The following PPP2R2D variants were observed in gnomAD, a reference collection of about 807,000 sequenced individuals.
The protein encoded by PPP2R2D is serine/threonine-protein phosphatase 2A 55 kDa regulatory subunit B delta isoform.
Under a neutral mutation model 31.1 loss-of-function variants are expected in PPP2R2D, and 9 were observed. That is an observed-to-expected ratio of 0.29 (90% CI 0.17 to 0.51). PPP2R2D has a LOEUF of 0.51. PPP2R2D is among the 20% of genes least tolerant of loss of function. The pLI is 0.98. For synonymous variants in PPP2R2D, 179 were observed against 172.6 expected, an observed-to-expected ratio of 1.04 and a Z score of -0.29; for missense variants, 391 against 465.6, an observed-to-expected ratio of 0.84 and a Z score of 1.48.
rs1032086825 is a variant in PPP2R2D, at chr10:131,945,127, C to T, written c.656-168C>T. Among the ~76,000 whole-genome samples the T allele has an allele frequency of 3.3e-5, 5 of 152,206 alleles. No individual in the cohort carries two copies. The highest frequency in any genetic ancestry group is 5.9e-5 in the Non-Finnish European group (4 of 68,046). On this transcript the variant is annotated intron_variant, in intron 6 of 8. Transcript: ENST00000455566. The surrounding 1 kb of genome is among the most constrained non-coding windows in gnomAD (Gnocchi z 4.8). ...AGTCTGAGTGTGCTCATCCCAATCC[C>T]CTTACCAGGCGCTCCTTTGGAATTC... is the stretch of plus-strand genomic sequence containing the variant.
At position 131,951,395 on chromosome 10, in the gene PPP2R2D, T is replaced by A. The variant is rs560036110; in HGVS notation, c.1082+3604T>A. 7.2e-5 allele frequency among the ~76,000 whole-genome samples: 11 copies of A among 152,320 alleles called. No individual in the cohort carries two copies. The South Asian group carries it at 2.1e-3, about 29-fold the overall frequency. On this transcript the variant is annotated intron_variant, in intron 8 of 8. Coordinates refer to ENST00000455566, the MANE Select transcript of PPP2R2D (RefSeq NM_018461.5). ...AACATATACTGAAAAGCAGTGAGAA[T>A]CAATTATTAGAACTACATGGATCAC... is the stretch of plus-strand genomic sequence containing the variant.
chr10:131,962,022 C>G (rs1295084367), downstream of PPP2R2D, among the ~76,000 whole-genome samples: 3 of 152,232 alleles, frequency 2.0e-5, no homozygotes, highest in Admixed American at 1.3e-4. Context: ...GGGGGCGGCA[C>G]TGCCCTCCGG....
rs1385852706 is a variant in PPP2R2D, at chr10:131,945,033, T to C, written c.656-262T>C. On this transcript the variant is annotated intron_variant, in intron 6 of 8. Coordinates refer to ENST00000455566, the MANE Select transcript of PPP2R2D (RefSeq NM_018461.5). The surrounding 1 kb of genome is among the most constrained non-coding windows in gnomAD (Gnocchi z 4.8). ...CTATTAAGGGCTTTCTGTATAACATTAATAATAGCAGCAAGATGAAAGCGG... is the reference window on the plus strand; with the variant it reads ...CTATTAAGGGCTTTCTGTATAACATCAATAATAGCAGCAAGATGAAAGCGG... Among the ~76,000 whole-genome samples, 9 of 152,182 alleles carry C rather than the reference T, an allele frequency of 5.9e-5. No homozygotes were observed. The highest frequency in any genetic ancestry group is 5.2e-4 in the Admixed American group (8 of 15,284).
chr10:131,917,128 C>T (rs1299632229), intron 2 of PPP2R2D, among the ~76,000 whole-genome samples: 1 of 117,506 alleles, frequency 8.5e-6, no homozygotes, highest in South Asian at 2.9e-4. Context: ...AGGGACCTCA[C>T]GTGGGTGGAA....
Position 131,959,316 on chromosome 10 carries a change from A to G in PPP2R2D, c.*3353A>G, listed in dbSNP as rs60664382. 1,139 of 115,658 alleles carry G rather than the reference A, an allele frequency of 9.8e-3. 14 individuals are homozygous for G. Among genetic ancestry groups the G allele is most frequent in the Middle Eastern group, 0.019 (3 of 158 alleles). 7.2% of individuals were successfully genotyped at this position (115,658 alleles called of 1,614,324 possible). A position where few individuals can be genotyped will look rare whatever the true frequency, so the allele number is the denominator to read the frequency against. The stretch of plus-strand genomic sequence containing the variant: ...AGATGAAGGCGTGTGCTGATCCGCC[A>G]TCCCCCTGTGGAGATGAAGGCGTGT... On this transcript the variant is annotated 3_prime_UTR_variant, in exon 9 of 9. Transcript: ENST00000455566.
intron 8 of PPP2R2D, among the ~76,000 whole-genome samples, chr10:131,950,511 C>G (rs1289644444): frequency 6.6e-6 from 1 of 151,756 alleles, no homozygotes; most frequent in African/African-American, 2.4e-5. Flanking sequence ...GCAAGTGTGA[C>G]TCCTTACTCT....
chr10:131,944,482 A>C (rs2036499732), intron 6 of PPP2R2D, among the ~76,000 whole-genome samples: 1 of 152,198 alleles, frequency 6.6e-6, no homozygotes, highest in Non-Finnish European at 1.5e-5. Context: ...AATAATAGAA[A>C]ATACTGGCTT....
At chr10:131,933,518 G>A (rs1337712152) in intron 2 of PPP2R2D, among the ~76,000 whole-genome samples, 1 of 152,112 alleles carries the variant, frequency 6.6e-6, no homozygotes, top group African/African-American at 2.4e-5. Context: ...GCAGGGTAAG[G>A]CGAGGAGTCC....
At chr10:131,924,919 T>C (rs1554894710) in intron 2 of PPP2R2D, among the ~76,000 whole-genome samples, 1 of 152,224 alleles carries the variant, frequency 6.6e-6, no homozygotes, top group Non-Finnish European at 1.5e-5. Flanking sequence ...TTTGATGATA[T>C]TGTAAACAGA....
At chr10:131,966,655 A>C in the PPP2R2D span, 4 of 152,094 alleles carry the variant, frequency 2.6e-5, no homozygotes, top group Admixed American at 2.6e-4. Flanking sequence ...GGCTCAAGGG[A>C]TCCTCCTGCC....
Position 131,945,540 on chromosome 10 carries a change from A to C in PPP2R2D, c.820+81A>C. On this transcript the variant is annotated intron_variant, in intron 7 of 8. Transcript: ENST00000455566. The surrounding 1 kb of genome is among the most constrained non-coding windows in gnomAD (Gnocchi z 4.8). ...AGTGACACAGTCTCGGCTCACGGCA[A>C]GCTCCGCCTCCCGGGTTCCAGCAAG... is the stretch of plus-strand genomic sequence containing the variant. 4 of 1,481,080 alleles carry C rather than the reference A, an allele frequency of 2.7e-6. No individual in the cohort carries two copies. The highest frequency in any genetic ancestry group is 3.6e-6 in the Non-Finnish European group (4 of 1,101,792). 91.7% of individuals were successfully genotyped at this position (1,481,080 alleles called of 1,614,324 possible).
chr10:131,926,229 T>C (rs1053609826), intron 2 of PPP2R2D, among the ~76,000 whole-genome samples: 21 of 152,346 alleles, frequency 1.4e-4, no homozygotes, highest in Admixed American at 3.9e-4. Context: ...TTTCCATTTT[T>C]TTAATATATG....
At chr10:131,913,323 AC>A (rs2035715006) in intron 2 of PPP2R2D, among the ~76,000 whole-genome samples, 1 of 151,306 alleles carries the variant, frequency 6.6e-6, no homozygotes, top group African/African-American at 2.4e-5. Flanking sequence ...GAGCCACCGC[AC>A]CCAGCTTGTA....
At chr10:131,925,860 G>C (rs2036095007) in intron 2 of PPP2R2D, among the ~76,000 whole-genome samples, 1 of 152,194 alleles carries the variant, frequency 6.6e-6, no homozygotes, top group Non-Finnish European at 1.5e-5. Context: ...AGGCCACCAC[G>C]CAGAGGTTGA....
intron 4 of PPP2R2D, 89 bp from the exon 5 acceptor site, chr10:131,940,493 C>A (rs957415530): frequency 5.6e-5 from 37 of 662,128 alleles, no homozygotes; most frequent in Non-Finnish European, 9.3e-5. Context: ...AATATAGGAC[C>A]ACACCGCTTT....
chr10:131,968,452 A>G, the PPP2R2D span: 2 of 1,280,186 alleles, frequency 1.6e-6, no homozygotes, highest in East Asian at 2.3e-5. Context: ...AGGATCTAAC[A>G]GCTCTTCAGT....
intron 5 of PPP2R2D, among the ~76,000 whole-genome samples, chr10:131,942,373 T>A (rs2036457510): frequency 6.6e-6 from 1 of 152,204 alleles, no homozygotes; most frequent in African/African-American, 2.4e-5. Context: ...AGTTATTTCA[T>A]TAGTTGGTGC....
At chr10:131,943,123 G>C (rs377677879) in intron 5 of PPP2R2D, among the ~76,000 whole-genome samples, 1 of 152,176 alleles carries the variant, frequency 6.6e-6, no homozygotes, top group South Asian at 2.1e-4. Context: ...ATGTTAGTGA[G>C]ACACAGGCCT....
In PPP2R2D at chr10:131,934,553, G is replaced by A. The variant is rs781851854; in HGVS notation, c.196G>A (p.Glu66Lys). 1 of 778,888 alleles carries A rather than the reference G, an allele frequency of 1.3e-6. No homozygotes were observed. Among genetic ancestry groups the A allele is most frequent in the African/African-American group, 1.7e-5 (1 of 59,060 alleles). The allele number at this position is 778,888 out of a possible 1,614,324, so 48.2% of individuals were successfully genotyped here. A position where few individuals can be genotyped will look rare whatever the true frequency, so the allele number is the denominator to read the frequency against. Residue 66 changes from glutamate to lysine, a missense_variant and splice_region_variant, in exon 3 of 9, where the codon GAG becomes AAG. By Grantham distance (56) the Glu-to-Lys change is moderately conservative. Around this residue, in one of 3 missense-constraint regions of PPP2R2D, gnomAD observed 105 missense variants for 98.5 expected, o/e 1.07. Transcript: ENST00000455566. ...AGTTGTTATTTTTCAGCGTGAACAA[G>A]AGGTCAGTAATTTTCAGTCCACAAA... is the stretch of plus-strand genomic sequence containing the variant. ...GRVVIFQREQ[E>K]NKSRPHSRGE...
Sources: allele counts gnomAD v4.1 joint callset (sites outside exome capture counted in the v4.1 genomes callset), GRCh38; gene constraint gnomAD v4.1.1; regional missense constraint gnomAD v4.1.1; non-coding constraint Gnocchi (gnomAD v3.1); transcripts MANE v1.5; gene names NCBI Gene and HGNC (gene_info 2026-07-23, HGNC 2026-07-21).